Variants in NPR3 observed in about 807,000 individuals in gnomAD.
NPR3 encodes natriuretic peptide receptor 3, also known as atrial natriuretic peptide receptor 3.
Under a neutral mutation model 54.5 loss-of-function variants are expected in NPR3, and 34 were observed. The observed-to-expected ratio is 0.62, with a 90% CI of 0.47 to 0.83. The LOEUF (loss-of-function observed/expected upper bound fraction) is 0.83, where lower values mean the gene tolerates loss of function less well. Ranked by LOEUF, NPR3 falls within the 40% of genes least tolerant of loss-of-function variation. The pLI is 0.00. For synonymous variants in NPR3, 289 were observed against 297.1 expected (o/e 0.97, Z 0.28); for missense variants, 674 against 720.8 (o/e 0.94, Z 0.74).
chr5:32,706,710 A>G (rs540645535), upstream of NPR3, among the ~76,000 whole-genome samples: 1 of 152,322 alleles, frequency 6.6e-6, no homozygotes, highest in South Asian at 2.1e-4. Context: ...TATCTACCTT[A>G]TAGTCCTGAT....
chr5:32,777,351 A>T (rs1290387662), intron 4 of NPR3, among the ~76,000 whole-genome samples: 1 of 152,228 alleles, frequency 6.6e-6, no homozygotes, highest in Non-Finnish European at 1.5e-5. Flanking sequence ...ACTAACTAGT[A>T]ACCTTGTCCT....
rs1186694460 is a variant in NPR3, at chr5:32,734,117, AG to A, written c.893-4743del. Among the ~76,000 whole-genome samples the A allele has an allele frequency of 3.3e-5, 5 of 152,320 alleles. No homozygotes were observed. The East Asian group carries it at 9.6e-4, about 29-fold the overall frequency. On this transcript the variant is annotated intron_variant, in intron 2 of 7. Coordinates refer to ENST00000265074, the MANE Select transcript of NPR3 (RefSeq NM_001204375.2). Reference sequence around the variant, plus strand: ...CTGTGCACAGTGGTATCCCCCATTAAGGGGTGCTGTTATTAACAATGGGTGT... The same window carrying A: ...CTGTGCACAGTGGTATCCCCCATTAAGGGTGCTGTTATTAACAATGGGTGT...
At position 32,717,802 on chromosome 5, in the gene NPR3, GGTTGCCT is replaced by G. The variant is rs1738637472; in HGVS notation, c.769+5261_769+5267del. Among the ~76,000 whole-genome samples, 3 of 152,214 alleles carry G rather than the reference GGTTGCCT, an allele frequency of 2.0e-5. No individual in the cohort carries two copies. The South Asian group carries it at 6.2e-4, about 32-fold the overall frequency. On this transcript the variant is annotated intron_variant, in intron 1 of 7. Coordinates refer to ENST00000265074, the MANE Select transcript of NPR3 (RefSeq NM_001204375.2). ...TGCAAAAATTTTCTCCCATTCTCTAGGTTGCCTGTTCACTCTGATGGTAGTTTCTTTT... is the reference window on the plus strand; with the variant it reads ...TGCAAAAATTTTCTCCCATTCTCTAGGTTCACTCTGATGGTAGTTTCTTTT...
At chr5:32,718,586 A>C (rs2111868698) in intron 1 of NPR3, among the ~76,000 whole-genome samples, 1 of 152,250 alleles carries the variant, frequency 6.6e-6, no homozygotes, top group South Asian at 2.1e-4. Flanking sequence ...TTGGATTCCT[A>C]GGTATTTTAT....
chr5:32,712,692 G>C, intron 1 of NPR3, 147 bp downstream of exon 1: 1 of 736,704 alleles, frequency 1.4e-6, no homozygotes, highest in Non-Finnish European at 2.2e-6. Context: ...TATGCGCCGT[G>C]TGGCTGCGAC....
intron 1 of NPR3, among the ~76,000 whole-genome samples, chr5:32,702,368 C>T (rs1334185988): frequency 6.6e-6 from 1 of 151,700 alleles, no homozygotes; most frequent in African/African-American, 2.4e-5. Flanking sequence ...AATAACTCGT[C>T]ATTTAGCAGT....
intron 3 of NPR3, among the ~76,000 whole-genome samples, chr5:32,759,716 T>G (rs112014411): frequency 0.041 from 6,308 of 152,300 alleles, 148 homozygotes; most frequent in Non-Finnish European, 0.051. Flanking sequence ...GTCCTTACAA[T>G]TTGGCATGTT....
At chr5:32,759,652 G>A (rs537901524) in intron 3 of NPR3, among the ~76,000 whole-genome samples, 3 of 152,106 alleles carry the variant, frequency 2.0e-5, no homozygotes, top group Non-Finnish European at 4.4e-5. Flanking sequence ...TCATTATTAT[G>A]TTAGCTGGTT....
chr5:32,746,239 G>A (rs761879634), intron 3 of NPR3, among the ~76,000 whole-genome samples: 1 of 152,180 alleles, frequency 6.6e-6, no homozygotes, highest in African/African-American at 2.4e-5. Context: ...TCGTTAGGTG[G>A]ATGTTTTCTT....
rs540022757 is a variant in NPR3 at position 32,787,881 on chromosome 5, G to A, written c.*1536G>A. ...TGGGGTCTTTCCTCAATAACATTTT[G>A]AGCATCTGAAAAATAGTTTAAAAAA... On this transcript the variant is annotated 3_prime_UTR_variant, in exon 8 of 8. Transcript: ENST00000265074. 2 of 152,268 alleles carry A rather than the reference G, an allele frequency of 1.3e-5. No individual in the cohort carries two copies. Among genetic ancestry groups the A allele is most frequent in the South Asian group, 4.1e-4 (2 of 4,824 alleles). The allele number at this position is 152,268 out of a possible 1,614,324, so 9.4% of individuals were successfully genotyped here.
At chr5:32,702,432 C>T (rs1435314604) in intron 1 of NPR3, among the ~76,000 whole-genome samples, 3 of 124,650 alleles carry the variant, frequency 2.4e-5, no homozygotes, top group Admixed American at 9.3e-5. Context: ...ACAACAGTCC[C>T]CAGAGTGTGA....
intron 3 of NPR3, among the ~76,000 whole-genome samples, chr5:32,746,908 G>A (rs1388434397): frequency 6.6e-6 from 1 of 152,002 alleles, no homozygotes; most frequent in Non-Finnish European, 1.5e-5. Flanking sequence ...CCCTCATATT[G>A]TTGTTGTTTA....
upstream of NPR3, among the ~76,000 whole-genome samples, chr5:32,708,451 A>T (rs1377445059): frequency 1.3e-5 from 2 of 152,094 alleles, no homozygotes; most frequent in Admixed American, 1.3e-4. Context: ...CTATATATAT[A>T]TATAAAAATT....
chr5:32,754,853 A>G (rs1229508449), intron 3 of NPR3, among the ~76,000 whole-genome samples: 2 of 152,074 alleles, frequency 1.3e-5, no homozygotes, highest in Admixed American at 6.6e-5. Context: ...CCTATCTTAA[A>G]GAGATTTAAT....
intron 1 of NPR3, among the ~76,000 whole-genome samples, chr5:32,720,948 T>A (rs1009709234): frequency 2.6e-5 from 4 of 152,222 alleles, no homozygotes; most frequent in Admixed American, 2.6e-4. Flanking sequence ...TTATATAAAT[T>A]GATGAAACAT....
At chr5:32,700,580 T>A (rs1579569644) in intron 1 of NPR3, among the ~76,000 whole-genome samples, 2 of 151,634 alleles carry the variant, frequency 1.3e-5, no homozygotes, top group East Asian at 3.9e-4. Context: ...TGGTGTGTGA[T>A]GTTCCTCGCC....
Position 32,789,584 on chromosome 5 carries a change from CA to C in NPR3, c.*3242del, listed in dbSNP as rs1742804123. 1 of 534,590 alleles carries C rather than the reference CA, an allele frequency of 1.9e-6. No individual in the cohort carries two copies. Among genetic ancestry groups the C allele is most frequent in the Non-Finnish European group, 3.8e-6 (1 of 260,090 alleles). The allele number at this position is 534,590 out of a possible 1,614,324, so 33.1% of individuals were successfully genotyped here. A position where few individuals can be genotyped will look rare whatever the true frequency, so the allele number is the denominator to read the frequency against. On this transcript the variant is annotated 3_prime_UTR_variant, in exon 8 of 8. Transcript: ENST00000265074. ...CTCCTTTTCTCCTTTCTCTTAAATTCAAAGACGTTTGCTTTGGAATGCCCTC... is the reference window on the plus strand; with the variant it reads ...CTCCTTTTCTCCTTTCTCTTAAATTCAAGACGTTTGCTTTGGAATGCCCTC...
Position 32,724,829 on chromosome 5 carries a change from G to C in NPR3, c.892+9G>C. 1 of 1,613,676 alleles carries C rather than the reference G, an allele frequency of 6.2e-7. No homozygotes were observed. Among genetic ancestry groups the C allele is most frequent in the Non-Finnish European group, 8.5e-7 (1 of 1,179,814 alleles). ...CAACAGCTCTTCCTATGGTAACTCT[G>C]CTTCCACTTTCCCCTCCTCTGCTAG... On this transcript the variant is annotated intron_variant, in intron 2 of 7. Transcript: ENST00000265074.
chr5:32,709,409 CTT>C (rs372885729), upstream of NPR3: 17 of 132,328 alleles, frequency 1.3e-4, no homozygotes, highest in Non-Finnish European at 2.0e-4. Flanking sequence ...TGTTCTTTTT[CTT>C]TTTTTTTTTT....
Sources: allele counts gnomAD v4.1 joint callset (sites outside exome capture counted in the v4.1 genomes callset), GRCh38; gene constraint gnomAD v4.1.1; transcripts MANE v1.5; gene names NCBI Gene and HGNC (gene_info 2026-07-23, HGNC 2026-07-21).